CPEB3: variants seen among roughly 807,000 people sequenced by gnomAD.
The protein encoded by CPEB3 is cytoplasmic polyadenylation element-binding protein 3.
A neutral mutation model predicts 67.2 loss-of-function variants in CPEB3; 20 were observed. The observed-to-expected ratio is 0.30, with a 90% CI of 0.21 to 0.43. CPEB3 has a LOEUF of 0.43. CPEB3 is among the 20% of genes least tolerant of loss of function. The probability of loss-of-function intolerance (pLI) is 1.00; values close to 1 mark genes in which losing one functional copy is unlikely to be tolerated. For synonymous variants in CPEB3, 376 were observed against 393.1 expected (o/e 0.96, Z 0.51); for missense variants, 746 against 968.6 (o/e 0.77, Z 3.05).
intron 9 of CPEB3, among the ~76,000 whole-genome samples, chr10:92,064,803 G>C (rs948260098): frequency 6.6e-6 from 1 of 152,172 alleles, no homozygotes; most frequent in Non-Finnish European, 1.5e-5. Context: ...CCACCAACTA[G>C]AGGCTGTCCC....
chr10:92,095,601 T>TATATATATATATATATATATATATATATA (rs1491405800), intron 7 of CPEB3, among the ~76,000 whole-genome samples: 29 of 87,646 alleles, frequency 3.3e-4, no homozygotes, highest in African/African-American at 9.1e-4. Flanking sequence ...TATATATATA[T>TATATATATATATATATATATATATATATA]TTTTTTTTTT....
At chr10:92,197,024 CATA>C (rs1164486006) in intron 2 of CPEB3, among the ~76,000 whole-genome samples, 1 of 151,940 alleles carries the variant, frequency 6.6e-6, no homozygotes, top group Non-Finnish European at 1.5e-5. Context: ...TGGTGGCTAC[CATA>C]ATATTAGGGA....
chr10:92,200,326 C>T (rs894889723), intron 2 of CPEB3, among the ~76,000 whole-genome samples: 1 of 151,988 alleles, frequency 6.6e-6, no homozygotes. Context: ...GGGCGGATCA[C>T]CTGAGGTCGG....
chr10:92,080,261 T>C (rs1843094687), intron 9 of CPEB3, among the ~76,000 whole-genome samples: 1 of 152,066 alleles, frequency 6.6e-6, no homozygotes, highest in African/African-American at 2.4e-5. Context: ...TTTCATTTAT[T>C]AATACAGGGT....
In CPEB3 at chr10:92,191,122, C is replaced by A. The variant is rs1848959659; in HGVS notation, c.1165+1355G>T. Among the ~76,000 whole-genome samples, 3 of 152,098 alleles carry A rather than the reference C, an allele frequency of 2.0e-5. No homozygotes were observed. In the South Asian group the frequency reaches 6.2e-4, roughly 32 times the overall value. On this transcript the variant is annotated intron_variant, in intron 3 of 9. Transcript: ENST00000265997. ...TTTTTTTAATATTTTCCTTAAAATG[C>A]AAGTATCAGCCGGGTGCGGTGGCAC...
intron 2 of CPEB3, among the ~76,000 whole-genome samples, chr10:92,193,858 G>T (rs936413985): frequency 1.3e-5 from 2 of 149,820 alleles, no homozygotes; most frequent in African/African-American, 2.5e-5. Context: ...GTGCAGTGGC[G>T]CAATCTTGGC....
intron 6 of CPEB3, among the ~76,000 whole-genome samples, chr10:92,120,555 C>G (rs983912834): frequency 6.6e-6 from 1 of 151,896 alleles, no homozygotes; most frequent in Non-Finnish European, 1.5e-5. Flanking sequence ...CTGCACTCCA[C>G]CCTGGGTGAC....
intron 6 of CPEB3, among the ~76,000 whole-genome samples, chr10:92,140,347 T>C (rs919186365): frequency 2.0e-5 from 3 of 152,148 alleles, no homozygotes; most frequent in African/African-American, 7.2e-5. Flanking sequence ...AACTATCTGA[T>C]CTTACAAACC....
chr10:92,120,117 AC>A (rs1256822247), intron 6 of CPEB3, among the ~76,000 whole-genome samples: 24 of 129,146 alleles, frequency 1.9e-4, no homozygotes, highest in African/African-American at 3.8e-4. Flanking sequence ...AAAAAAAAAA[AC>A]CAAATTGCTA....
chr10:92,139,289 T>TAAAAAA (rs3048542), intron 6 of CPEB3, among the ~76,000 whole-genome samples: 6 of 71,140 alleles, frequency 8.4e-5, no homozygotes, highest in Non-Finnish European at 1.1e-4. Context: ...CACACACACA[T>TAAAAAA]AAAAAAAAAA....
chr10:92,093,390 C>T (rs1442714819), intron 7 of CPEB3, among the ~76,000 whole-genome samples: 1 of 152,206 alleles, frequency 6.6e-6, no homozygotes, highest in Non-Finnish European at 1.5e-5. Flanking sequence ...TCTTATGTGG[C>T]TTGGCTTATA....
intron 3 of CPEB3, among the ~76,000 whole-genome samples, chr10:92,184,997 T>C (rs1276059482): frequency 6.6e-6 from 1 of 152,194 alleles, no homozygotes; most frequent in African/African-American, 2.4e-5. Flanking sequence ...TTAAGGAATT[T>C]TGGAGGAAAA....
At chr10:92,059,526 C>T (rs561314589) in intron 9 of CPEB3, among the ~76,000 whole-genome samples, 20 of 151,414 alleles carry the variant, frequency 1.3e-4, no homozygotes, top group African/African-American at 1.9e-4. Flanking sequence ...TACATCAAAA[C>T]GGGGAAAAAA....
At chr10:92,232,870 T>C (rs1011022161) in intron 2 of CPEB3, among the ~76,000 whole-genome samples, 7 of 152,248 alleles carry the variant, frequency 4.6e-5, no homozygotes, top group Non-Finnish European at 8.8e-5. Flanking sequence ...AGGGTTCTTT[T>C]GTACTAACTC....
chr10:92,076,783 G>C (rs1323851569), intron 9 of CPEB3, among the ~76,000 whole-genome samples: 2 of 151,284 alleles, frequency 1.3e-5, no homozygotes, highest in African/African-American at 4.9e-5. Context: ...GAAGGAGGAA[G>C]GAAGAAAAAG....
chr10:92,079,022 C>T (rs1398346566), intron 9 of CPEB3, among the ~76,000 whole-genome samples: 3 of 152,080 alleles, frequency 2.0e-5, no homozygotes, highest in African/African-American at 7.2e-5. Context: ...ATTTCCAGGA[C>T]CTACTTCCTG....
In CPEB3 at chr10:92,239,466, G is replaced by C. The variant is rs779778407; in HGVS notation, c.885C>G (p.Pro295=). The part of the protein sequence containing the change: ...PLNPISPLKK[P]FSSNVIAPPK... ...GCGGCGCGATCACGTTGCTGGAGAA[G>C]GGCTTTTTGAGCGGCGAGATGGGGT... is the stretch of plus-strand genomic sequence containing the variant. The change falls in exon 2 of 10, where the codon CCC becomes CCG. Residue 295 remains proline (P), a synonymous_variant. Coordinates refer to ENST00000265997, the MANE Select transcript of CPEB3 (RefSeq NM_014912.5). The surrounding 1 kb of genome is among the most constrained non-coding windows in gnomAD (Gnocchi z 6.0). 3.1e-6 allele frequency: 5 copies of C among 1,596,122 alleles called. No individual in the cohort carries two copies. The Admixed American group carries it at 7.0e-5, about 22-fold the overall frequency.
chr10:92,260,334 T>C (rs1852734479), intron 1 of CPEB3, among the ~76,000 whole-genome samples: 2 of 152,068 alleles, frequency 1.3e-5, no homozygotes, highest in Admixed American at 6.6e-5. Flanking sequence ...GCAGATCACC[T>C]GAGGTCAGGA....
At chr10:92,116,037 G>T (rs552676184) in intron 6 of CPEB3, among the ~76,000 whole-genome samples, 23 of 151,460 alleles carry the variant, frequency 1.5e-4, no homozygotes, top group Non-Finnish European at 2.5e-4. Context: ...CAATAAATCA[G>T]ATGGGTTAAT....
Sources: gnomAD v4.1 joint callset for allele counts (sites outside exome capture counted in the v4.1 genomes callset) on GRCh38, gnomAD v4.1.1 for gene constraint, Gnocchi (gnomAD v3.1) non-coding constraint, MANE v1.5 for transcripts, NCBI Gene and HGNC (gene_info 2026-07-23, HGNC 2026-07-21) for gene names.